ROBO1: variants seen among roughly 807,000 people sequenced by gnomAD.
ROBO1 encodes roundabout homolog 1.
ROBO1 carries 149 observed loss-of-function variants against 195.9 expected under a neutral mutation model. The ratio of observed to expected loss-of-function variants is 0.76; its 90% CI spans 0.67 to 0.87. The LOEUF (loss-of-function observed/expected upper bound fraction) is 0.87. Among genes scored for constraint, ROBO1 ranks in the 40% least tolerant of loss-of-function variants. The probability of loss-of-function intolerance (pLI) is 0.00; values close to 1 mark genes in which losing one functional copy is unlikely to be tolerated. For missense variants in ROBO1, 1,933 were observed against 2,068.3 expected (o/e 0.93, Z 1.27); for synonymous variants, 816 against 733.2 (o/e 1.11, Z -1.82).
intron 2 of ROBO1, among the ~76,000 whole-genome samples, chr3:79,469,111 T>C (rs1017460710): frequency 1.2e-4 from 18 of 152,136 alleles, no homozygotes; most frequent in African/African-American, 3.9e-4. Context: ...ATCAGTTTGA[T>C]TATCAGTGGC....
intron 2 of ROBO1, among the ~76,000 whole-genome samples, chr3:79,497,867 A>G (rs1443787573): frequency 6.6e-6 from 1 of 152,192 alleles, no homozygotes; most frequent in Non-Finnish European, 1.5e-5. Flanking sequence ...TAAAAATCAA[A>G]AATTTGAAAA....
At chr3:79,018,682 C>T in intron 3 of ROBO1, 2 of 1,364,094 alleles carry the variant, frequency 1.5e-6, no homozygotes, top group Middle Eastern at 2.7e-4. Context: ...TTGTCTTCTC[C>T]GGCCCCAGGA....
At chr3:79,506,213 G>C (rs573314144) in intron 2 of ROBO1, among the ~76,000 whole-genome samples, 1 of 151,926 alleles carries the variant, frequency 6.6e-6, no homozygotes, top group African/African-American at 2.4e-5. Context: ...AAAGCCTTTC[G>C]TAGCAGTGAG....
chr3:79,522,341 T>G (rs993734093), intron 2 of ROBO1, among the ~76,000 whole-genome samples: 20 of 151,972 alleles, frequency 1.3e-4, no homozygotes, highest in South Asian at 4.2e-4. Flanking sequence ...TTTTTTTTTT[T>G]TTTTTGGAAT....
At chr3:78,617,522 C>A (rs77438059) in intron 27 of ROBO1, 113 bp downstream of exon 27, 275 of 754,192 alleles carry the variant, frequency 3.6e-4, no homozygotes, top group Non-Finnish European at 4.5e-4. Flanking sequence ...AAAAAAAAAA[C>A]TGTAAGAATA....
At chr3:79,217,906 T>G (rs1237922663) in intron 2 of ROBO1, among the ~76,000 whole-genome samples, 1 of 151,886 alleles carries the variant, frequency 6.6e-6, no homozygotes, top group South Asian at 2.1e-4. Context: ...AAATCCATGG[T>G]TCTATTGGTA....
At chr3:79,409,238 A>G (rs2037673205) in intron 2 of ROBO1, among the ~76,000 whole-genome samples, 1 of 152,166 alleles carries the variant, frequency 6.6e-6, no homozygotes, top group African/African-American at 2.4e-5. Context: ...ATTTTTATGC[A>G]TTCAGAAGTC....
intron 14 of ROBO1, among the ~76,000 whole-genome samples, chr3:78,667,491 T>C (rs1393444338): frequency 6.6e-6 from 1 of 152,118 alleles, no homozygotes; most frequent in East Asian, 1.9e-4. Context: ...TATCTAATAC[T>C]AGATCTTATT....
chr3:79,212,663 A>T (rs1214087306), intron 2 of ROBO1, among the ~76,000 whole-genome samples: 1 of 151,950 alleles, frequency 6.6e-6, no homozygotes. Context: ...TACTAAAAAT[A>T]CAAAATATTA....
intron 2 of ROBO1, among the ~76,000 whole-genome samples, chr3:79,430,582 A>T (rs543926809): frequency 6.6e-6 from 1 of 152,298 alleles, no homozygotes; most frequent in African/African-American, 2.4e-5. Flanking sequence ...GGAATGCTAG[A>T]GTTGTACAAA....
intron 2 of ROBO1, among the ~76,000 whole-genome samples, chr3:79,153,468 T>C (rs1437277268): frequency 6.6e-6 from 1 of 151,672 alleles, no homozygotes; most frequent in African/African-American, 2.4e-5. Flanking sequence ...TACCTAAGGA[T>C]CCACAGATAA....
intron 18 of ROBO1, among the ~76,000 whole-genome samples, chr3:78,655,696 G>A (rs577186094): frequency 4.5e-4 from 69 of 152,212 alleles, no homozygotes; most frequent in African/African-American, 1.5e-3. Context: ...TGAAAACCAG[G>A]TGTTTCTTAA....
chr3:79,502,947 C>T (rs908145975), intron 2 of ROBO1, among the ~76,000 whole-genome samples: 7 of 152,018 alleles, frequency 4.6e-5, no homozygotes, highest in Admixed American at 4.6e-4. Context: ...GTAAAATGGA[C>T]CAATCAGCTC....
intron 2 of ROBO1, among the ~76,000 whole-genome samples, chr3:79,271,412 T>C (rs758122327): frequency 1.3e-5 from 2 of 151,982 alleles, no homozygotes; most frequent in African/African-American, 2.4e-5. Context: ...ACCAAACCAA[T>C]AGTCCACTAG....
intron 3 of ROBO1, among the ~76,000 whole-genome samples, chr3:79,093,607 C>T (rs978510821): frequency 4.6e-5 from 7 of 152,176 alleles, no homozygotes; most frequent in Admixed American, 3.9e-4. Flanking sequence ...ACTCCTACTA[C>T]CATGCCCTTA....
At chr3:79,604,237 C>CA (rs1245117662) in intron 1 of ROBO1, among the ~76,000 whole-genome samples, 7 of 151,208 alleles carry the variant, frequency 4.6e-5, no homozygotes, top group South Asian at 2.1e-4. Context: ...CAAATCAAAA[C>CA]AAAAAAAAGT....
At chr3:78,644,734 G>A (rs1706171199) in intron 21 of ROBO1, among the ~76,000 whole-genome samples, 1 of 152,094 alleles carries the variant, frequency 6.6e-6, no homozygotes, top group Non-Finnish European at 1.5e-5. Context: ...GTGCCAGTTT[G>A]CTCTATCCAG....
intron 2 of ROBO1, among the ~76,000 whole-genome samples, chr3:79,360,444 CCTT>C (rs1445564574): frequency 9.9e-5 from 15 of 151,678 alleles, no homozygotes; most frequent in Admixed American, 3.3e-4. Context: ...GTTTTCTCCA[CCTT>C]CTTTTTTAAT....
intron 4 of ROBO1, among the ~76,000 whole-genome samples, chr3:78,751,295 GTAATAATAA>G (rs58730543): frequency 6.6e-6 from 1 of 150,552 alleles, no homozygotes; most frequent in Admixed American, 6.6e-5. Context: ...CACATAAATA[GTAATAATAA>G]TAATAATAAT....
Sources: gnomAD v4.1 joint callset for allele counts (sites outside exome capture counted in the v4.1 genomes callset) on GRCh38, gnomAD v4.1.1 for gene constraint, MANE v1.5 for transcripts, NCBI Gene and HGNC (gene_info 2026-07-23, HGNC 2026-07-21) for gene names.